SKAP1: variants seen among roughly 807,000 people sequenced by gnomAD.
SKAP1 encodes the protein src kinase-associated phosphoprotein 1.
Under a neutral mutation model 58.5 loss-of-function variants are expected in SKAP1, and 44 were observed. The ratio of observed to expected loss-of-function variants is 0.75; its 90% CI spans 0.59 to 0.97. SKAP1 has a LOEUF of 0.97. Among genes scored for constraint, SKAP1 ranks in the 50% least tolerant of loss-of-function variants. The pLI, the probability that SKAP1 is intolerant of heterozygous loss-of-function variation, is 0.00. For missense variants in SKAP1, 390 were observed against 435.2 expected (o/e 0.90, Z 0.92); for synonymous variants, 127 against 149.7 (o/e 0.85, Z 1.11).
Position 48,133,463 on chromosome 17 carries a change from G to A in SKAP1, c.*361C>T, listed in dbSNP as rs2063664061. 6.6e-6 allele frequency: 1 copy of A among 152,190 alleles called. No individual in the cohort carries two copies. Among genetic ancestry groups the A allele is most frequent in the Non-Finnish European group, 1.5e-5 (1 of 68,044 alleles). 9.4% of individuals were successfully genotyped at this position (152,190 alleles called of 1,614,324 possible). The stretch of plus-strand genomic sequence containing the variant: ...CACATGGCAAGGAACCACATCCCAA[G>A]TTTATTTGTGCTTTTCAAACCAGCC... On this transcript the variant is annotated 3_prime_UTR_variant, in exon 13 of 13. Transcript: ENST00000336915.
At chr17:48,257,681 C>T (rs2065440322) in intron 4 of SKAP1, among the ~76,000 whole-genome samples, 2 of 134,988 alleles carry the variant, frequency 1.5e-5, no homozygotes, top group Admixed American at 8.2e-5. Flanking sequence ...GTCCTGGTGC[C>T]TGAATTTGAG....
intron 4 of SKAP1, among the ~76,000 whole-genome samples, chr17:48,326,371 A>G (rs568923911): frequency 1.4e-4 from 21 of 152,318 alleles, no homozygotes; most frequent in African/African-American, 5.1e-4. Context: ...AGAGATGATA[A>G]AAACAAAAGA....
chr17:48,314,412 T>C (rs923460437), intron 4 of SKAP1, among the ~76,000 whole-genome samples: 2 of 152,118 alleles, frequency 1.3e-5, no homozygotes, highest in African/African-American at 4.8e-5. Context: ...TTCAACAACA[T>C]TGGAAGAAAA....
At chr17:48,222,652 G>A (rs1422699322) in intron 4 of SKAP1, among the ~76,000 whole-genome samples, 1 of 151,548 alleles carries the variant, frequency 6.6e-6, no homozygotes, top group Non-Finnish European at 1.5e-5. Context: ...GCTAATTTTT[G>A]TATTATTAGT....
chr17:48,173,544 A>G (rs2143396093), intron 9 of SKAP1, among the ~76,000 whole-genome samples: 1 of 152,338 alleles, frequency 6.6e-6, no homozygotes, highest in South Asian at 2.1e-4. Context: ...ACATTAGAGG[A>G]AAAGTTGGTA....
chr17:48,268,673 G>A (rs933227170), intron 4 of SKAP1, among the ~76,000 whole-genome samples: 1 of 151,866 alleles, frequency 6.6e-6, no homozygotes, highest in Non-Finnish European at 1.5e-5. Flanking sequence ...TGTATTTTTA[G>A]TAGAGACGGG....
At chr17:48,416,090 T>A (rs938914560) in intron 1 of SKAP1, among the ~76,000 whole-genome samples, 18 of 152,210 alleles carry the variant, frequency 1.2e-4, no homozygotes, top group African/African-American at 4.3e-4. Flanking sequence ...AAAACATTGC[T>A]TCTATAAGAA....
At chr17:48,387,308 G>A (rs2067289262) in intron 2 of SKAP1, among the ~76,000 whole-genome samples, 1 of 152,014 alleles carries the variant, frequency 6.6e-6, no homozygotes, top group Non-Finnish European at 1.5e-5. Flanking sequence ...GGATTTCTCA[G>A]CTCTGTGTTG....
At position 48,340,273 on chromosome 17, in the gene SKAP1, T is replaced by C. The variant is rs558387268; in HGVS notation, c.280+5632A>G. ...ACTTAATAAGTGGAAGTTCTAGGAATAGGATTTCAGTTCATTAAGAGGGGG... is the reference window on the plus strand; with the variant it reads ...ACTTAATAAGTGGAAGTTCTAGGAACAGGATTTCAGTTCATTAAGAGGGGG... On this transcript the variant is annotated intron_variant, in intron 4 of 12. Coordinates refer to ENST00000336915, the MANE Select transcript of SKAP1 (RefSeq NM_003726.4). 3.9e-5 allele frequency among the ~76,000 whole-genome samples: 6 copies of C among 152,280 alleles called. 1 individual carries two copies. Among genetic ancestry groups the C allele is most frequent in the African/African-American group, 1.2e-4 (5 of 41,544 alleles).
chr17:48,369,096 G>A (rs1229571484), intron 2 of SKAP1, among the ~76,000 whole-genome samples: 3 of 152,020 alleles, frequency 2.0e-5, no homozygotes, highest in South Asian at 2.1e-4. Context: ...GCAGTGAGCC[G>A]AGATCGCGCC....
At chr17:48,313,180 G>A (rs2066246116) in intron 4 of SKAP1, among the ~76,000 whole-genome samples, 1 of 152,034 alleles carries the variant, frequency 6.6e-6, no homozygotes, top group Admixed American at 6.6e-5. Context: ...GGTGTGAACA[G>A]GAACCGAACC....
intron 2 of SKAP1, among the ~76,000 whole-genome samples, chr17:48,387,388 G>A (rs779058546): frequency 1.3e-5 from 2 of 152,066 alleles, no homozygotes; most frequent in Non-Finnish European, 2.9e-5. Context: ...AGACACCCAT[G>A]CCACTATCTC....
intron 4 of SKAP1, among the ~76,000 whole-genome samples, chr17:48,200,561 A>G (rs1274684235): frequency 6.6e-6 from 1 of 152,062 alleles, no homozygotes; most frequent in Non-Finnish European, 1.5e-5. Flanking sequence ...TATTTTTAGT[A>G]GAGACGGGGT....
chr17:48,172,904 G>T (rs1294744924), intron 9 of SKAP1, among the ~76,000 whole-genome samples: 3 of 152,144 alleles, frequency 2.0e-5, no homozygotes, highest in Admixed American at 1.3e-4. Context: ...GGCCAGGTGT[G>T]GTGGCTCATG....
intron 4 of SKAP1, among the ~76,000 whole-genome samples, chr17:48,212,489 G>A (rs1426099644): frequency 6.6e-6 from 1 of 152,138 alleles, no homozygotes; most frequent in Admixed American, 6.5e-5. Flanking sequence ...AGCTGTTAGT[G>A]CTCACAAAAA....
chr17:48,340,648 A>G (rs2066638860), intron 4 of SKAP1, among the ~76,000 whole-genome samples: 1 of 152,172 alleles, frequency 6.6e-6, no homozygotes, highest in South Asian at 2.1e-4. Context: ...GTCAATAATA[A>G]AAGAGTAGGT....
intron 11 of SKAP1, among the ~76,000 whole-genome samples, chr17:48,150,958 A>T (rs2063895770): frequency 6.6e-6 from 1 of 152,098 alleles, no homozygotes; most frequent in Non-Finnish European, 1.5e-5. Flanking sequence ...ACAGACGGGG[A>T]TTTCACAGCC....
At chr17:48,159,411 C>T (rs993713547) in intron 11 of SKAP1, among the ~76,000 whole-genome samples, 1 of 152,212 alleles carries the variant, frequency 6.6e-6, no homozygotes, top group Non-Finnish European at 1.5e-5. Context: ...CTCAGGGAAA[C>T]AGATTTCCCT....
chr17:48,201,859 T>C (rs898912215), intron 4 of SKAP1, among the ~76,000 whole-genome samples: 44 of 152,356 alleles, frequency 2.9e-4, no homozygotes, highest in African/African-American at 3.8e-4. Flanking sequence ...GAAATAGCTA[T>C]TGATAGCAAC....
Sources: gnomAD v4.1 joint callset for allele counts (sites outside exome capture counted in the v4.1 genomes callset) on GRCh38, gnomAD v4.1.1 for gene constraint, MANE v1.5 for transcripts, NCBI Gene and HGNC (gene_info 2026-07-23, HGNC 2026-07-21) for gene names.